The following GPC5 variants were observed in gnomAD, a reference collection of about 807,000 sequenced individuals.
GPC5 encodes the protein glypican-5.
GPC5 carries 47 observed loss-of-function variants against 53.9 expected under a neutral mutation model. The observed-to-expected ratio is 0.87, with a 90% CI of 0.69 to 1.11. The LOEUF (loss-of-function observed/expected upper bound fraction) is 1.11. GPC5 is among the 50% of genes most tolerant of loss of function. The pLI is 0.00. For synonymous variants in GPC5, 286 were observed against 263.3 expected (o/e 1.09, Z -0.84); for missense variants, 748 against 713.1 (o/e 1.05, Z -0.56).
chr13:91,713,234 A>G (rs2036266691), intron 3 of GPC5, among the ~76,000 whole-genome samples: 1 of 152,262 alleles, frequency 6.6e-6, no homozygotes, highest in East Asian at 1.9e-4. Context: ...ACAAGCCTTC[A>G]TATTATACTA....
At chr13:92,664,602 C>A (rs1307887663) in intron 7 of GPC5, among the ~76,000 whole-genome samples, 13 of 151,996 alleles carry the variant, frequency 8.6e-5, no homozygotes, top group Admixed American at 6.6e-4. Flanking sequence ...AAATGTCCAA[C>A]CTCAATGATA....
intron 7 of GPC5, among the ~76,000 whole-genome samples, chr13:92,430,760 A>G (rs774607518): frequency 3.3e-5 from 5 of 152,130 alleles, no homozygotes; most frequent in Non-Finnish European, 5.9e-5. Flanking sequence ...AAGAGAATAC[A>G]AGTGGGTGAG....
chr13:91,826,108 A>G (rs1431681065), intron 5 of GPC5, among the ~76,000 whole-genome samples: 2 of 151,902 alleles, frequency 1.3e-5, no homozygotes, highest in African/African-American at 4.8e-5. Flanking sequence ...TCAGTTGAAA[A>G]TAATAAAAAA....
intron 6 of GPC5, among the ~76,000 whole-genome samples, chr13:92,029,097 T>C (rs1393814656): frequency 6.6e-6 from 1 of 152,228 alleles, no homozygotes; most frequent in East Asian, 1.9e-4. Flanking sequence ...TATATTTATC[T>C]AATTTCTTGA....
chr13:92,488,911 CAAAT>C (rs1379986009), intron 7 of GPC5, among the ~76,000 whole-genome samples: 2 of 152,198 alleles, frequency 1.3e-5, no homozygotes, highest in Non-Finnish European at 1.5e-5. Context: ...CAGTTACTAA[CAAAT>C]AAAACATTAG....
chr13:92,256,593 C>A (rs1356073779), intron 7 of GPC5, among the ~76,000 whole-genome samples: 1 of 151,880 alleles, frequency 6.6e-6, no homozygotes, highest in East Asian at 1.9e-4. Context: ...CACTGCACTT[C>A]CAAAATATAA....
At chr13:92,752,158 G>C (rs141994200) in intron 7 of GPC5, among the ~76,000 whole-genome samples, 1 of 151,866 alleles carries the variant, frequency 6.6e-6, no homozygotes, top group Admixed American at 6.6e-5. Flanking sequence ...GAGTGTGTCC[G>C]TGTGTGTGTT....
At chr13:91,981,588 C>A (rs1001653615) in intron 6 of GPC5, among the ~76,000 whole-genome samples, 3 of 152,014 alleles carry the variant, frequency 2.0e-5, no homozygotes, top group Admixed American at 6.6e-5. Flanking sequence ...CGCGCCCGAC[C>A]GTAAGAGTTC....
rs566975850 is a variant in GPC5 at position 92,425,840 on chromosome 13, C to T, written c.1561+280851C>T. Among the ~76,000 whole-genome samples, 429 of 152,122 alleles carry T rather than the reference C, an allele frequency of 2.8e-3. 2 individuals are homozygous for T. The highest frequency in any genetic ancestry group is 9.7e-3 in the African/African-American group (404 of 41,518). On this transcript the variant is annotated intron_variant, in intron 7 of 7. Coordinates refer to ENST00000377067, the MANE Select transcript of GPC5 (RefSeq NM_004466.6). ...AGCTATTTTGTAGTTTATATGTTATCTTCATTTTAAGTTGTTTTACTCAAA... is the reference window on the plus strand; with the variant it reads ...AGCTATTTTGTAGTTTATATGTTATTTTCATTTTAAGTTGTTTTACTCAAA...
chr13:92,394,492 T>G (rs1019130895), intron 7 of GPC5, among the ~76,000 whole-genome samples: 1 of 152,042 alleles, frequency 6.6e-6, no homozygotes, highest in Non-Finnish European at 1.5e-5. Context: ...AAACAAGAAG[T>G]TGACATTCTG....
intron 7 of GPC5, among the ~76,000 whole-genome samples, chr13:92,850,686 A>AATTT (rs1878766016): frequency 1.3e-5 from 2 of 152,166 alleles, no homozygotes; most frequent in Non-Finnish European, 2.9e-5. Context: ...TAAAGTAAGG[A>AATTT]TTAGTCAAAA....
chr13:91,676,217 C>T (rs1400416171), intron 2 of GPC5, among the ~76,000 whole-genome samples: 4 of 152,068 alleles, frequency 2.6e-5, no homozygotes, highest in African/African-American at 9.7e-5. Flanking sequence ...ATTACAGGTG[C>T]CCGCCACCAC....
At chr13:91,574,841 A>G (rs1381151517) in intron 2 of GPC5, among the ~76,000 whole-genome samples, 1 of 152,134 alleles carries the variant, frequency 6.6e-6, no homozygotes, top group African/African-American at 2.4e-5. Context: ...TCCATGTTCT[A>G]ATACTCCTAA....
intron 7 of GPC5, among the ~76,000 whole-genome samples, chr13:92,781,620 G>A (rs1876025910): frequency 6.6e-6 from 1 of 152,076 alleles, no homozygotes; most frequent in African/African-American, 2.4e-5. Flanking sequence ...TTAACAACAA[G>A]AAATGCATTT....
intron 7 of GPC5, among the ~76,000 whole-genome samples, chr13:92,757,147 G>A (rs1176973939): frequency 1.3e-5 from 2 of 152,008 alleles, no homozygotes; most frequent in East Asian, 1.9e-4. Context: ...TAGATCAATG[G>A]AACAGAACAG....
At chr13:92,523,409 T>C (rs1881145602) in intron 7 of GPC5, among the ~76,000 whole-genome samples, 1 of 152,242 alleles carries the variant, frequency 6.6e-6, no homozygotes, top group Non-Finnish European at 1.5e-5. Flanking sequence ...ATTTGACAAA[T>C]ACCTCCTTTT....
chr13:92,857,121 A>G (rs1879026180), intron 7 of GPC5, among the ~76,000 whole-genome samples: 1 of 152,100 alleles, frequency 6.6e-6, no homozygotes, highest in Admixed American at 6.6e-5. Context: ...GTACAAAAAC[A>G]CAGACGAAAT....
chr13:91,659,647 A>G (rs1231783980), intron 2 of GPC5, among the ~76,000 whole-genome samples: 1 of 152,244 alleles, frequency 6.6e-6, no homozygotes, highest in Non-Finnish European at 1.5e-5. Flanking sequence ...GTAGAAATTT[A>G]TACTTAAGAT....
intron 6 of GPC5, among the ~76,000 whole-genome samples, chr13:91,992,459 CTTT>C (rs34928600): frequency 1.2e-4 from 16 of 135,824 alleles, no homozygotes; most frequent in East Asian, 4.4e-4. Flanking sequence ...AAGCTATTTA[CTTT>C]TTTTTTTTTT....
Sources: gnomAD v4.1 joint callset for allele counts (sites outside exome capture counted in the v4.1 genomes callset) on GRCh38, gnomAD v4.1.1 for gene constraint, MANE v1.5 for transcripts, NCBI Gene and HGNC (gene_info 2026-07-23, HGNC 2026-07-21) for gene names.